SLC14A2: variants seen among roughly 807,000 people sequenced by gnomAD.
SLC14A2 encodes solute carrier family 14 member 2.
Under a neutral mutation model 104.6 loss-of-function variants are expected in SLC14A2, and 91 were observed. The observed-to-expected ratio is 0.87, with a 90% CI of 0.73 to 1.04. The LOEUF is 1.04. Among genes scored for constraint, SLC14A2 ranks in the 50% least tolerant of loss-of-function variants. The probability of loss-of-function intolerance (pLI) is 0.00; values close to 1 mark genes in which losing one functional copy is unlikely to be tolerated. For synonymous variants in SLC14A2, 476 were observed against 466.4 expected (o/e 1.02, Z -0.27); for missense variants, 1,189 against 1,156.0 (o/e 1.03, Z -0.41).
chr18:45,378,109 G>A (rs1281656032), intron 1 of SLC14A2, among the ~76,000 whole-genome samples: 1 of 152,202 alleles, frequency 6.6e-6, no homozygotes, highest in Non-Finnish European at 1.5e-5. Context: ...AAGGCACTTA[G>A]ATACTTTACT....
intron 1 of SLC14A2, among the ~76,000 whole-genome samples, chr18:45,389,101 C>A (rs1239069191): frequency 6.6e-6 from 1 of 152,136 alleles, no homozygotes; most frequent in African/African-American, 2.4e-5. Flanking sequence ...ATGTATGACA[C>A]CTGTGCAAGC....
intron 1 of SLC14A2, among the ~76,000 whole-genome samples, chr18:45,477,197 A>T (rs1301634789): frequency 6.6e-6 from 1 of 152,082 alleles, no homozygotes; most frequent in East Asian, 1.9e-4. Flanking sequence ...TGATGATGCT[A>T]TTCCTTTCTG....
intron 1 of SLC14A2, among the ~76,000 whole-genome samples, chr18:45,456,766 T>A (rs2086951251): frequency 6.6e-6 from 1 of 151,836 alleles, no homozygotes; most frequent in Admixed American, 6.6e-5. Flanking sequence ...TTTTTTTTTT[T>A]TGGATGACCT....
chr18:45,657,105 C>T (rs2045849328), intron 10 of SLC14A2, among the ~76,000 whole-genome samples: 1 of 152,080 alleles, frequency 6.6e-6, no homozygotes, highest in Admixed American at 6.5e-5. Flanking sequence ...GAAAGGGAGC[C>T]ATGGTTTAAA....
intron 1 of SLC14A2, among the ~76,000 whole-genome samples, chr18:45,242,314 C>T (rs914948148): frequency 9.9e-5 from 15 of 152,088 alleles, no homozygotes; most frequent in Admixed American, 9.8e-4. Flanking sequence ...ACTTATGCAC[C>T]TCAAATGTTG....
intron 1 of SLC14A2, among the ~76,000 whole-genome samples, chr18:45,470,067 C>T (rs541527229): frequency 6.6e-6 from 1 of 152,314 alleles, no homozygotes; most frequent in South Asian, 2.1e-4. Flanking sequence ...TGCTCTCTTA[C>T]TCTTTATACA....
intron 2 of SLC14A2, among the ~76,000 whole-genome samples, chr18:45,493,549 G>T (rs1285453257): frequency 6.6e-6 from 1 of 152,176 alleles, no homozygotes; most frequent in Non-Finnish European, 1.5e-5. Context: ...TAATTACTTT[G>T]TGATAATCCA....
At chr18:45,308,903 C>G (rs535409406) in intron 1 of SLC14A2, among the ~76,000 whole-genome samples, 48 of 152,218 alleles carry the variant, frequency 3.2e-4, no homozygotes, top group Non-Finnish European at 6.0e-4. Flanking sequence ...TTTGGGGTTT[C>G]CATGACTGGG....
chr18:45,223,710 C>T (rs1423661913), intron 1 of SLC14A2, among the ~76,000 whole-genome samples: 11 of 152,140 alleles, frequency 7.2e-5, no homozygotes, highest in Non-Finnish European at 1.6e-4. Context: ...TCCTAGCTCC[C>T]TTAAGGACTC....
chr18:45,377,656 C>A (rs2085789330), intron 1 of SLC14A2, among the ~76,000 whole-genome samples: 1 of 152,136 alleles, frequency 6.6e-6, no homozygotes, highest in Non-Finnish European at 1.5e-5. Flanking sequence ...TTTCACTTGG[C>A]CACTTTGGTT....
At chr18:45,583,196 C>A (rs2044521644) in intron 2 of SLC14A2, among the ~76,000 whole-genome samples, 1 of 152,156 alleles carries the variant, frequency 6.6e-6, no homozygotes, top group Admixed American at 6.5e-5. Flanking sequence ...TAACAGGATG[C>A]CCTATTCCTA....
chr18:45,188,281 AT>A, the SLC14A2 span, among the ~76,000 whole-genome samples: 1 of 152,172 alleles, frequency 6.6e-6, no homozygotes, highest in Admixed American at 6.6e-5. Context: ...CCTATCTTCT[AT>A]TCTACTGATG....
intron 2 of SLC14A2, among the ~76,000 whole-genome samples, chr18:45,535,882 G>A (rs1024169353): frequency 6.6e-6 from 1 of 152,136 alleles, no homozygotes; most frequent in African/African-American, 2.4e-5. Context: ...TATAGGCAAT[G>A]AAGAAGACAG....
chr18:45,571,660 C>A (rs574853530), intron 2 of SLC14A2, among the ~76,000 whole-genome samples: 1 of 152,224 alleles, frequency 6.6e-6, no homozygotes, highest in Admixed American at 6.5e-5. Context: ...CTCCGCTCAA[C>A]GGGGCCCACA....
chr18:45,289,496 A>G (rs1238054401), intron 1 of SLC14A2, among the ~76,000 whole-genome samples: 2 of 152,162 alleles, frequency 1.3e-5, no homozygotes, highest in East Asian at 3.9e-4. Context: ...TTAAAAGCTC[A>G]CAAAGCTGAT....
intron 11 of SLC14A2, among the ~76,000 whole-genome samples, chr18:45,664,913 G>A (rs1446270988): frequency 6.6e-6 from 1 of 152,062 alleles, no homozygotes; most frequent in Non-Finnish European, 1.5e-5. Context: ...TCCTAACATC[G>A]TCTCAGGATA....
chr18:45,325,658 T>A (rs2085227333), intron 1 of SLC14A2, among the ~76,000 whole-genome samples: 1 of 152,198 alleles, frequency 6.6e-6, no homozygotes, highest in African/African-American at 2.4e-5. Context: ...TCTTATTTGA[T>A]CCTCGTAACA....
chr18:45,558,380 T>C (rs2852302), intron 2 of SLC14A2, among the ~76,000 whole-genome samples: 141,544 of 152,260 alleles, frequency 0.93, 65,996 homozygotes, highest in Middle Eastern at 0.97. Context: ...CCCAGCTAAA[T>C]AGTAAGCACT....
chr18:45,575,704 T>C (rs2144347186), intron 2 of SLC14A2, among the ~76,000 whole-genome samples: 1 of 152,144 alleles, frequency 6.6e-6, no homozygotes, highest in East Asian at 1.9e-4. Flanking sequence ...AAGACTTCAA[T>C]CTCAAGAAAC....
Sources: gnomAD v4.1 joint callset for allele counts (sites outside exome capture counted in the v4.1 genomes callset) on GRCh38, gnomAD v4.1.1 for gene constraint, MANE v1.5 for transcripts, NCBI Gene and HGNC (gene_info 2026-07-23, HGNC 2026-07-21) for gene names.